CCDC62: variants seen among roughly 807,000 people sequenced by gnomAD.
CCDC62 encodes the protein coiled-coil domain containing 62.
Under a neutral mutation model 80.8 loss-of-function variants are expected in CCDC62, and 72 were observed. The observed-to-expected ratio is 0.89, with a 90% CI of 0.74 to 1.08. CCDC62 has a LOEUF of 1.08. CCDC62 is among the 50% of genes least tolerant of loss of function. The pLI, the probability that CCDC62 is intolerant of heterozygous loss-of-function variation, is 0.00. For synonymous variants in CCDC62, 286 were observed against 296.5 expected (o/e 0.96, Z 0.36); for missense variants, 704 against 809.4 (o/e 0.87, Z 1.58).
At chr12:122,800,588 C>G (rs1028023624) in intron 8 of CCDC62, among the ~76,000 whole-genome samples, 5 of 151,964 alleles carry the variant, frequency 3.3e-5, no homozygotes, top group Non-Finnish European at 5.9e-5. Flanking sequence ...CCACCACGCC[C>G]GGCTAATTTT....
chr12:122,819,074 C>T (rs1197910965), intron 11 of CCDC62, among the ~76,000 whole-genome samples: 1 of 152,148 alleles, frequency 6.6e-6, no homozygotes, highest in Non-Finnish European at 1.5e-5. Context: ...ATTGGAAAAA[C>T]TGTTGGCTCC....
chr12:122,814,494 T>C (rs2032083042), intron 11 of CCDC62, among the ~76,000 whole-genome samples: 1 of 147,592 alleles, frequency 6.8e-6, no homozygotes, highest in Admixed American at 7.0e-5. Context: ...CTAACAGATA[T>C]GGACTTTTAA....
intron 10 of CCDC62, among the ~76,000 whole-genome samples, chr12:122,808,071 C>T (rs1380060974): frequency 6.6e-6 from 1 of 152,042 alleles, no homozygotes; most frequent in Non-Finnish European, 1.5e-5. Context: ...CCGAGGCAGG[C>T]GGATCACTTG....
At chr12:122,785,464 C>T (rs1168338667) in intron 3 of CCDC62, among the ~76,000 whole-genome samples, 1 of 152,154 alleles carries the variant, frequency 6.6e-6, no homozygotes, top group Non-Finnish European at 1.5e-5. Context: ...AGGGCAAATA[C>T]AAGTACTGAG....
In CCDC62 at chr12:122,792,046, A is replaced by C; in HGVS notation, c.697A>C (p.Asn233His). The change falls in exon 6 of 13, where the codon AAT becomes CAT. Residue 233 changes from asparagine (N) to histidine (H), a missense_variant. Physicochemically the swap from Asn to His is moderately conservative, Grantham distance 68. Transcript: ENST00000253079. ...GGACCTCAATGAAAAGACGACAGAAAATAATGAGCAACGAGAAGAGATCAT... is the reference window on the plus strand; with the variant it reads ...GGACCTCAATGAAAAGACGACAGAACATAATGAGCAACGAGAAGAGATCAT... ...KEDLNEKTTENNEQREEIIRL... is the reference protein window; with the variant it reads ...KEDLNEKTTEHNEQREEIIRL... 1 of 1,614,074 alleles carries C rather than the reference A, an allele frequency of 6.2e-7. No individual in the cohort carries two copies.
At chr12:122,792,809 C>T (rs886608541) in intron 6 of CCDC62, among the ~76,000 whole-genome samples, 1 of 152,188 alleles carries the variant, frequency 6.6e-6, no homozygotes, top group Non-Finnish European at 1.5e-5. Context: ...TGAGCCATCA[C>T]GCCAGGCCTT....
chr12:122,814,229 C>T (rs1364433066), intron 11 of CCDC62, among the ~76,000 whole-genome samples: 1 of 137,690 alleles, frequency 7.3e-6, no homozygotes, highest in Non-Finnish European at 1.5e-5. Context: ...TATGGTAAGC[C>T]GAGATTGTGC....
At chr12:122,812,773 G>GAAAGAAAGAAAGAAAGAA (rs1555257959) in intron 10 of CCDC62, among the ~76,000 whole-genome samples, 12 of 68,888 alleles carry the variant, frequency 1.7e-4, no homozygotes, top group African/African-American at 4.1e-4. Flanking sequence ...GAGAGAGAGA[G>GAAAGAAAGAAAGAAAGAA]AGAGAGAAAG....
rs781307131 is a variant in CCDC62, at chr12:122,777,573, G to A, written c.119G>A (p.Arg40Gln). ...LQLLIGELKD[R>Q]DKELNDMVAV... ...TTGCTCATTGGAGAATTAAAAGATC[G>A]AGATAAAGAGCTCAATGACATGGTT... Residue 40 changes from arginine to glutamine, a missense_variant, in exon 2 of 13, where the codon CGA becomes CAA. By Grantham distance (43) the Arg-to-Gln change is conservative. Transcript: ENST00000253079. The A allele has an allele frequency of 2.1e-5, 34 of 1,613,998 alleles. No homozygotes were observed. Among genetic ancestry groups the A allele is most frequent in the East Asian group, 8.9e-5 (4 of 44,900 alleles).
intron 10 of CCDC62, among the ~76,000 whole-genome samples, chr12:122,808,734 C>T (rs2031730890): frequency 1.3e-5 from 2 of 151,980 alleles, no homozygotes; most frequent in Non-Finnish European, 2.9e-5. Context: ...GTTATGTTGC[C>T]CAGGGTGGTC....
At chr12:122,780,998 T>C (rs190725601) in intron 2 of CCDC62, among the ~76,000 whole-genome samples, 166 bp from the exon 3 acceptor site, 1 of 152,314 alleles carries the variant, frequency 6.6e-6, no homozygotes, top group Non-Finnish European at 1.5e-5. Flanking sequence ...CACAGTTCTG[T>C]TTCTTGATTA....
chr12:122,811,883 G>A (rs945177408), intron 10 of CCDC62, among the ~76,000 whole-genome samples: 1 of 147,414 alleles, frequency 6.8e-6, no homozygotes, highest in Admixed American at 6.8e-5. Context: ...AGAGCAATTG[G>A]CAGTGACTAA....
At chr12:122,814,111 G>A (rs1392716419) in intron 11 of CCDC62, among the ~76,000 whole-genome samples, 9 of 151,520 alleles carry the variant, frequency 5.9e-5, no homozygotes, top group Non-Finnish European at 8.8e-5. Context: ...GAGAAACCCC[G>A]TCTCTACTAA....
chr12:122,786,109 C>G (rs115620601), intron 4 of CCDC62, among the ~76,000 whole-genome samples: 1 of 152,132 alleles, frequency 6.6e-6, no homozygotes, highest in Non-Finnish European at 1.5e-5. Context: ...TATTAGGTCT[C>G]ATAGAGTTAT....
intron 10 of CCDC62, among the ~76,000 whole-genome samples, chr12:122,812,817 AAGAAAG>A (rs2031995302): frequency 2.0e-5 from 3 of 149,872 alleles, no homozygotes; most frequent in African/African-American, 7.5e-5. Flanking sequence ...GAAAGAAAGA[AAGAAAG>A]AAAGAAAAGG....
intron 2 of CCDC62, among the ~76,000 whole-genome samples, chr12:122,778,887 AAG>A: frequency 6.7e-6 from 1 of 148,194 alleles, no homozygotes; most frequent in East Asian, 2.1e-4. Context: ...AAAACAAAGA[AAG>A]AAACAAACAA....
chr12:122,825,740 C>T (rs1455161387), intron 12 of CCDC62, among the ~76,000 whole-genome samples: 1 of 149,808 alleles, frequency 6.7e-6, no homozygotes, highest in Non-Finnish European at 1.5e-5. Flanking sequence ...AATCTCAGCA[C>T]TTTGGGAGGC....
rs767024804 is a variant in CCDC62, at chr12:122,801,291, A to G, written c.1145A>G (p.Gln382Arg). Reference sequence around the variant, plus strand: ...GATGAATGCAAAGAGAAGAAACAACAGATCGATACTGTGTTTGGGGAGAAA... The same window carrying G: ...GATGAATGCAAAGAGAAGAAACAACGGATCGATACTGTGTTTGGGGAGAAA... ...SCDECKEKKQ[Q>R]IDTVFGEKSV... The change falls in exon 9 of 13, where the codon CAG (glutamine) becomes CGG (arginine). Residue 382 changes from glutamine (Q) to arginine (R), a missense_variant. Coordinates refer to ENST00000253079, the MANE Select transcript of CCDC62 (RefSeq NM_201435.5). 1.2e-6 allele frequency: 2 copies of G among 1,614,188 alleles called. No individual in the cohort carries two copies. The highest frequency in any genetic ancestry group is 2.2e-5 in the East Asian group (1 of 44,888).
At chr12:122,818,452 CAA>C (rs138729013) in intron 11 of CCDC62, among the ~76,000 whole-genome samples, 1,766 of 61,888 alleles carry the variant, frequency 0.029, 39 homozygotes, top group African/African-American at 0.086. Flanking sequence ...GACTCTGTCT[CAA>C]AAAAAAAAAA....
Sources: gnomAD v4.1 joint callset for allele counts (sites outside exome capture counted in the v4.1 genomes callset) on GRCh38, gnomAD v4.1.1 for gene constraint, MANE v1.5 for transcripts, NCBI Gene and HGNC (gene_info 2026-07-23, HGNC 2026-07-21) for gene names.